The following SUSD6 variants were observed in gnomAD, a reference collection of about 807,000 sequenced individuals.
SUSD6 encodes the protein sushi domain-containing protein 6.
In SUSD6, 16 loss-of-function variants were observed where a neutral mutation model predicts 28.4. That is an observed-to-expected ratio of 0.56 (90% confidence interval 0.38 to 0.86). SUSD6 has a LOEUF of 0.86. Ranked by LOEUF, SUSD6 falls within the 40% of genes least tolerant of loss-of-function variation. The pLI, the probability that SUSD6 is intolerant of heterozygous loss-of-function variation, is 0.00. For missense variants in SUSD6, 341 were observed against 384.2 expected (o/e 0.89, Z 0.94); for synonymous variants, 147 against 159.6 (o/e 0.92, Z 0.59).
intron 2 of SUSD6, among the ~76,000 whole-genome samples, chr14:69,693,089 A>C (rs1246395510): frequency 1.3e-5 from 2 of 152,172 alleles, no homozygotes; most frequent in Admixed American, 1.3e-4. Context: ...CTGGCTCCCT[A>C]CCTCCATTGT....
intron 2 of SUSD6, among the ~76,000 whole-genome samples, chr14:69,677,389 C>CAA (rs371196545): frequency 2.6e-5 from 4 of 151,312 alleles, no homozygotes; most frequent in Non-Finnish European, 5.9e-5. Context: ...ACTAAAAATA[C>CAA]AAAAAAAATT....
intron 2 of SUSD6, among the ~76,000 whole-genome samples, chr14:69,687,038 G>A (rs911672767): frequency 2.0e-5 from 3 of 152,108 alleles, no homozygotes; most frequent in African/African-American, 7.2e-5. Flanking sequence ...GCAGTGGTGC[G>A]AACTTGTCTT....
chr14:69,688,633 G>T (rs1042480111), intron 2 of SUSD6, among the ~76,000 whole-genome samples: 1 of 152,160 alleles, frequency 6.6e-6, no homozygotes, highest in Non-Finnish European at 1.5e-5. Context: ...TCTCACCTAG[G>T]CAAACTTGAG....
At chr14:69,647,469 A>G (rs912101661) in intron 1 of SUSD6, among the ~76,000 whole-genome samples, 1 of 152,180 alleles carries the variant, frequency 6.6e-6, no homozygotes. Flanking sequence ...TGAACTTGCC[A>G]CAATGCTACG....
chr14:69,645,832 C>T (rs1460475897), intron 1 of SUSD6, among the ~76,000 whole-genome samples: 1 of 152,038 alleles, frequency 6.6e-6, no homozygotes, highest in Non-Finnish European at 1.5e-5. Flanking sequence ...TCACTGTAAC[C>T]TCCGCCTCCC....
chr14:69,665,745 TG>T (rs762131611), intron 2 of SUSD6, among the ~76,000 whole-genome samples: 22 of 152,234 alleles, frequency 1.4e-4, no homozygotes, highest in Non-Finnish European at 2.2e-4. Flanking sequence ...CTCTTCACCT[TG>T]TTTTTTGGAA....
rs746691555 is a variant in SUSD6, at chr14:69,703,606, A to T, written c.319+14A>T. The stretch of plus-strand genomic sequence containing the variant: ...GTCTCAACGAGGGTCAGTCTGGCAG[A>T]TGAAAAAGGGATGCTGCTGGGGTTC... On this transcript the variant is annotated intron_variant, in intron 3 of 5. Coordinates refer to ENST00000342745, the MANE Select transcript of SUSD6 (RefSeq NM_014734.4). 2 of 1,612,280 alleles carry T rather than the reference A, an allele frequency of 1.2e-6. No homozygotes were observed. The highest frequency in any genetic ancestry group is 1.7e-6 in the Non-Finnish European group (2 of 1,178,414).
At chr14:69,646,700 C>CTT (rs61409476) in intron 1 of SUSD6, among the ~76,000 whole-genome samples, 57,682 of 108,986 alleles carry the variant, frequency 0.53, 18,670 homozygotes, top group East Asian at 0.67. Context: ...TTTTTTCCAT[C>CTT]TTTTTTTTTT....
At chr14:69,627,932 A>G (rs1177935486) in intron 1 of SUSD6, among the ~76,000 whole-genome samples, 4 of 145,140 alleles carry the variant, frequency 2.8e-5, no homozygotes, top group African/African-American at 1.0e-4. Flanking sequence ...CTCTTACCCA[A>G]AGTGACTTTT....
intron 1 of SUSD6, among the ~76,000 whole-genome samples, chr14:69,656,417 G>A (rs1309949498): frequency 6.6e-6 from 1 of 152,222 alleles, no homozygotes; most frequent in Admixed American, 6.5e-5. Context: ...GCCCGGTAGG[G>A]TTACCTGGTG....
chr14:69,665,123 G>T (rs925038227), intron 2 of SUSD6, among the ~76,000 whole-genome samples: 3 of 152,140 alleles, frequency 2.0e-5, no homozygotes. Context: ...CGTTTCCATG[G>T]TGCAATGTGA....
intron 4 of SUSD6, 78 bp from the exon 5 acceptor site, chr14:69,708,599 C>T (rs1886416249): frequency 1.6e-6 from 2 of 1,256,708 alleles, no homozygotes; most frequent in African/African-American, 1.5e-5. Context: ...ATGGTGGCGG[C>T]TGCTATTATT....
chr14:69,653,747 C>T (rs950318793), intron 1 of SUSD6, among the ~76,000 whole-genome samples: 77 of 93,232 alleles, frequency 8.3e-4, no homozygotes, highest in South Asian at 3.8e-3. Context: ...CCTAGTGAAA[C>T]TTTTTTTTTT....
chr14:69,709,341 G>T (rs142788523), intron 5 of SUSD6, among the ~76,000 whole-genome samples: 434 of 152,234 alleles, frequency 2.9e-3, no homozygotes, highest in African/African-American at 0.01. Flanking sequence ...AGTCTCTGAG[G>T]CCATTCATAG....
chr14:69,701,734 T>C (rs1886315232), intron 2 of SUSD6, among the ~76,000 whole-genome samples: 1 of 152,178 alleles, frequency 6.6e-6, no homozygotes, highest in African/African-American at 2.4e-5. Context: ...CATCTCCTAG[T>C]TTCAGAGAAG....
chr14:69,655,740 C>G (rs1885572702), intron 1 of SUSD6, among the ~76,000 whole-genome samples: 1 of 152,096 alleles, frequency 6.6e-6, no homozygotes, highest in Admixed American at 6.5e-5. Flanking sequence ...TTCAGGTGAG[C>G]TGTGCTCACA....
chr14:69,674,898 T>C (rs1483211604), intron 2 of SUSD6, among the ~76,000 whole-genome samples: 1 of 152,186 alleles, frequency 6.6e-6, no homozygotes, highest in East Asian at 1.9e-4. Context: ...GCCTGAAGTC[T>C]CTGTTGAAAC....
rs1287493222 is a variant in SUSD6, at chr14:69,713,107, G to C, written c.*2128G>C. On this transcript the variant is annotated 3_prime_UTR_variant, in exon 6 of 6. Transcript: ENST00000342745. ...CAAAACCCGCATTCTATTCTAGAATGGTTTTTAAAATGGAAGATCTTACCT... is the reference window on the plus strand; with the variant it reads ...CAAAACCCGCATTCTATTCTAGAATCGTTTTTAAAATGGAAGATCTTACCT... 1.3e-5 allele frequency: 2 copies of C among 152,176 alleles called. No individual in the cohort carries two copies. Among genetic ancestry groups the C allele is most frequent in the Non-Finnish European group, 2.9e-5 (2 of 68,030 alleles). The allele number at this position is 152,176 out of a possible 1,614,324, so 9.4% of individuals were successfully genotyped here. A position where few individuals can be genotyped will look rare whatever the true frequency, so the allele number is the denominator to read the frequency against.
intron 2 of SUSD6, among the ~76,000 whole-genome samples, chr14:69,689,865 C>T (rs1886129443): frequency 6.6e-6 from 1 of 152,122 alleles, no homozygotes; most frequent in African/African-American, 2.4e-5. Flanking sequence ...AAGGTTTTAC[C>T]ATGTTGGCCA....
Sources: gnomAD v4.1 joint callset for allele counts (sites outside exome capture counted in the v4.1 genomes callset) on GRCh38, gnomAD v4.1.1 for gene constraint, MANE v1.5 for transcripts, NCBI Gene and HGNC (gene_info 2026-07-23, HGNC 2026-07-21) for gene names.